NEK11: variants seen among roughly 807,000 people sequenced by gnomAD.
NEK11 encodes NIMA related kinase 11.
A neutral mutation model predicts 80.7 loss-of-function variants in NEK11; 72 were observed. The observed-to-expected ratio is 0.89, with a 90% CI of 0.74 to 1.08. The LOEUF is 1.08. Among genes scored for constraint, NEK11 ranks in the 50% least tolerant of loss-of-function variants. NEK11 has a pLI of 0.00. For synonymous variants in NEK11, 251 were observed against 260.7 expected (o/e 0.96, Z 0.36); for missense variants, 764 against 763.6 (o/e 1.00, Z -0.01).
At chr3:131,087,239 T>G (rs2149100918) in intron 4 of NEK11, among the ~76,000 whole-genome samples, 1 of 140,116 alleles carries the variant, frequency 7.1e-6, no homozygotes, top group Admixed American at 7.2e-5. Flanking sequence ...CAAATTCTTT[T>G]TTTTTTTTTT....
At chr3:131,057,767 C>G (rs1453932972) in intron 3 of NEK11, among the ~76,000 whole-genome samples, 2 of 150,876 alleles carry the variant, frequency 1.3e-5, no homozygotes, top group African/African-American at 4.9e-5. Flanking sequence ...TGTTTGAGTT[C>G]ATTGTAGATT....
At chr3:131,265,421 T>C (rs1432251611) in intron 16 of NEK11, among the ~76,000 whole-genome samples, 1 of 152,212 alleles carries the variant, frequency 6.6e-6, no homozygotes, top group Non-Finnish European at 1.5e-5. Flanking sequence ...GTTTTTAGCA[T>C]GAAGGGGTGT....
At chr3:131,149,293 G>A (rs1456857513) in intron 7 of NEK11, among the ~76,000 whole-genome samples, 1 of 151,948 alleles carries the variant, frequency 6.6e-6, no homozygotes, top group Admixed American at 6.6e-5. Flanking sequence ...GATCCATGTT[G>A]CTGCAAAGGA....
intron 3 of NEK11, among the ~76,000 whole-genome samples, chr3:131,043,166 G>A (rs1041240795): frequency 5.9e-5 from 9 of 152,128 alleles, no homozygotes; most frequent in East Asian, 3.9e-4. Context: ...AAAAACCAGC[G>A]CAAAAAGGCT....
At chr3:131,144,942 C>G (rs1671795204) in intron 7 of NEK11, among the ~76,000 whole-genome samples, 1 of 152,096 alleles carries the variant, frequency 6.6e-6, no homozygotes, top group Non-Finnish European at 1.5e-5. Context: ...TAATTGATTA[C>G]TAAGTTAGGC....
At chr3:131,145,146 G>A (rs935097920) in intron 7 of NEK11, among the ~76,000 whole-genome samples, 1 of 152,038 alleles carries the variant, frequency 6.6e-6, no homozygotes, top group African/African-American at 2.4e-5. Context: ...TAGGAATACA[G>A]GTGTGGGCCA....
chr3:131,044,536 A>T (rs905206220), intron 3 of NEK11, among the ~76,000 whole-genome samples: 1 of 151,886 alleles, frequency 6.6e-6, no homozygotes, highest in Non-Finnish European at 1.5e-5. Flanking sequence ...GGGGCATTAC[A>T]TAATGTAAAG....
chr3:131,326,419 A>G (rs2096967260), intron 17 of NEK11: 1 of 152,282 alleles, frequency 6.6e-6, no homozygotes, highest in African/African-American at 2.4e-5. Flanking sequence ...TCTCCTCTTA[A>G]TTAGGCTCCA....
At position 131,066,840 on chromosome 3, in the gene NEK11, C is replaced by CAAA. The variant is rs56140132; in HGVS notation, c.171-13567_171-13565dup. 4.1e-3 allele frequency among the ~76,000 whole-genome samples: 409 copies of CAAA among 99,686 alleles called. 1 individual carries two copies. Among genetic ancestry groups the CAAA allele is most frequent in the South Asian group, 0.025 (76 of 3,066 alleles). The allele number at this position is 99,686 out of a possible 152,430, so 65.4% of individuals were successfully genotyped here. A position where few individuals can be genotyped will look rare whatever the true frequency, so the allele number is the denominator to read the frequency against. ...CTGGGCGACAGAGCCAGACTTGTCT[C>CAAA]AAAAAAAAAAAAAAAAAAGAAAAGA... On this transcript the variant is annotated intron_variant, in intron 3 of 17. Transcript: ENST00000383366.
chr3:131,315,281 C>T (rs181686291), intron 17 of NEK11, among the ~76,000 whole-genome samples: 7 of 152,168 alleles, frequency 4.6e-5, no homozygotes, highest in Admixed American at 2.6e-4. Flanking sequence ...ATCCCTCCCC[C>T]CAACAGCCAC....
chr3:131,339,993 C>T (rs957825900), intron 17 of NEK11, among the ~76,000 whole-genome samples: 13 of 152,140 alleles, frequency 8.5e-5, no homozygotes, highest in African/African-American at 3.1e-4. Flanking sequence ...ATTCTAGCAT[C>T]CAGATCATTG....
intron 7 of NEK11, among the ~76,000 whole-genome samples, chr3:131,134,799 C>T (rs2085237112): frequency 6.6e-6 from 1 of 152,142 alleles, no homozygotes; most frequent in Admixed American, 6.5e-5. Context: ...TTTCTCCTTC[C>T]TTGTTATGGA....
In NEK11 at chr3:131,181,517, C is replaced by T. The variant is rs192494864; in HGVS notation, c.1399+10630C>T. On this transcript the variant is annotated intron_variant, in intron 14 of 17. Transcript: ENST00000383366. ...ATCCCAGCACTTTGGGAGGCCAAGGCGGGCAGATCACAAGGTCAGGAGATG... is the reference window on the plus strand; with the variant it reads ...ATCCCAGCACTTTGGGAGGCCAAGGTGGGCAGATCACAAGGTCAGGAGATG... Among the ~76,000 whole-genome samples the T allele has an allele frequency of 4.1e-4, 63 of 152,086 alleles. No homozygotes were observed. In the South Asian group the frequency reaches 6.4e-3, roughly 16 times the overall value.
intron 4 of NEK11, among the ~76,000 whole-genome samples, chr3:131,090,059 CTCT>C (rs1054334599): frequency 1.8e-4 from 27 of 152,214 alleles, no homozygotes; most frequent in African/African-American, 6.0e-4. Flanking sequence ...TCTGAGAATG[CTCT>C]TCTTTTGTCT....
chr3:131,092,356 A>G (rs560375156), intron 4 of NEK11, among the ~76,000 whole-genome samples: 22 of 152,344 alleles, frequency 1.4e-4, no homozygotes, highest in Non-Finnish European at 2.4e-4. Context: ...GACTATTGTG[A>G]TGGTTATCAG....
chr3:131,170,761 A>G lies in NEK11; in HGVS notation c.1285-12A>G. ...ATCAGCATCTCATGAATTGTTAATT[A>G]CCTTCCACAAGGAATCTGATGAACC... On this transcript the variant is annotated splice_polypyrimidine_tract_variant and intron_variant, in intron 13 of 17. Transcript: ENST00000383366. 1 of 1,531,252 alleles carries G rather than the reference A, an allele frequency of 6.5e-7. No homozygotes were observed. Among genetic ancestry groups the G allele is most frequent in the Non-Finnish European group, 9.1e-7 (1 of 1,104,408 alleles). The allele number at this position is 1,531,252 out of a possible 1,614,324, so 94.9% of individuals were successfully genotyped here.
chr3:131,166,664 G>T (rs1447597165), intron 12 of NEK11, among the ~76,000 whole-genome samples: 1 of 152,152 alleles, frequency 6.6e-6, no homozygotes, highest in Non-Finnish European at 1.5e-5. Flanking sequence ...CACCATTTAA[G>T]TGAAGGCCCC....
chr3:131,280,381 G>C (rs1170630154), intron 17 of NEK11, among the ~76,000 whole-genome samples: 1 of 151,872 alleles, frequency 6.6e-6, no homozygotes, highest in Non-Finnish European at 1.5e-5. Context: ...TTTTTTTAAG[G>C]CTTTTTTTTC....
intron 2 of NEK11, among the ~76,000 whole-genome samples, chr3:131,028,855 A>G (rs2064347893): frequency 6.6e-6 from 1 of 152,186 alleles, no homozygotes; most frequent in African/African-American, 2.4e-5. Flanking sequence ...CGCCCGGCCT[A>G]AACAGTCCTG....
Sources: gnomAD v4.1 joint callset for allele counts (sites outside exome capture counted in the v4.1 genomes callset) on GRCh38, gnomAD v4.1.1 for gene constraint, MANE v1.5 for transcripts, NCBI Gene and HGNC (gene_info 2026-07-23, HGNC 2026-07-21) for gene names.